Variants in MYO10 observed in about 807,000 individuals in gnomAD.
MYO10 encodes the protein myosin X, also known as unconventional myosin-X.
MYO10 carries 133 observed loss-of-function variants against 257.3 expected under a neutral mutation model. The observed-to-expected ratio is 0.52, with a 90% CI of 0.45 to 0.60. The LOEUF (loss-of-function observed/expected upper bound fraction) is 0.60, where lower values mean the gene tolerates loss of function less well. Ranked by LOEUF, MYO10 falls within the 20% of genes least tolerant of loss-of-function variation. The pLI is 0.00. For missense variants in MYO10, 2,399 were observed against 2,635.7 expected (o/e 0.91, Z 1.97); for synonymous variants, 1,104 against 1,028.6 (o/e 1.07, Z -1.40).
intron 19 of MYO10, among the ~76,000 whole-genome samples, chr5:16,743,265 AACTCG>A (rs1740075607): frequency 6.6e-6 from 1 of 152,198 alleles, no homozygotes; most frequent in African/African-American, 2.4e-5. Context: ...AAGAAGTCCT[AACTCG>A]CAAGTTGATG....
chr5:16,702,452 C>T (rs2126554692), intron 24 of MYO10, 91 bp downstream of exon 24: 1 of 1,202,486 alleles, frequency 8.3e-7, no homozygotes, highest in South Asian at 1.4e-5. Context: ...TATCTTTCTA[C>T]TTTAATTCAG....
At chr5:16,876,071 C>T (rs1744591532) in intron 2 of MYO10, among the ~76,000 whole-genome samples, 1 of 152,088 alleles carries the variant, frequency 6.6e-6, no homozygotes, top group Non-Finnish European at 1.5e-5. Flanking sequence ...CAAGATGGTA[C>T]CACTGCACTC....
chr5:16,911,176 A>G (rs1177910224), intron 1 of MYO10, among the ~76,000 whole-genome samples: 1 of 152,158 alleles, frequency 6.6e-6, no homozygotes, highest in Admixed American at 6.6e-5. Flanking sequence ...ACTAACAGAG[A>G]TCTATGAGGA....
At chr5:16,929,829 G>A (rs1188938259) in intron 1 of MYO10, among the ~76,000 whole-genome samples, 1 of 152,132 alleles carries the variant, frequency 6.6e-6, no homozygotes, top group East Asian at 1.9e-4. Flanking sequence ...GTTGAATCCA[G>A]AGATGCAGAA....
Position 16,754,840 on chromosome 5 carries a change from T to A in MYO10, c.1917A>T (p.Pro639=), listed in dbSNP as rs757227600. Reference sequence around the variant, plus strand: ...TCATCAATCTTACCTTCTGCATGTTTGGCTTGATACAGCGAACAAAGAAAG... The same window carrying A: ...TCATCAATCTTACCTTCTGCATGTTAGGCTTGATACAGCGAACAAAGAAAG... ...SNPFFVRCIK[P]NMQKMPDQFD... is the part of the protein sequence containing the mutation. Residue 639 remains proline (P), a synonymous_variant, in exon 19 of 41, where the codon CCA becomes CCT. Transcript: ENST00000513610. 3.7e-5 allele frequency: 59 copies of A among 1,602,860 alleles called. No homozygotes were observed. Among genetic ancestry groups the A allele is most frequent in the Non-Finnish European group, 4.9e-5 (57 of 1,172,806 alleles).
At chr5:16,835,492 G>GTTTTTTTTTTTTTTTT (rs1554001242) in intron 2 of MYO10, among the ~76,000 whole-genome samples, 2 of 81,060 alleles carry the variant, frequency 2.5e-5, no homozygotes, top group African/African-American at 9.3e-5. Flanking sequence ...ATTTTTGGCT[G>GTTTTTTTTTTTTTTTT]TTTTTTTTTT....
intron 28 of MYO10, among the ~76,000 whole-genome samples, chr5:16,686,921 A>G (rs906907683): frequency 6.6e-6 from 1 of 152,192 alleles, no homozygotes; most frequent in Non-Finnish European, 1.5e-5. Flanking sequence ...GAGAGTTGGA[A>G]ATGAAAAATA....
chr5:16,666,821 A>G, intron 40 of MYO10, 28 bp from the exon 41 acceptor site: 2 of 1,545,634 alleles, frequency 1.3e-6, no homozygotes, highest in Non-Finnish European at 1.8e-6. Context: ...GAACCGACAC[A>G]GCGTCACAAG....
chr5:16,670,944 G>A lies in MYO10; in HGVS notation c.5465C>T (p.Ala1822Val), dbSNP rs374196495. Residue 1822 changes from alanine (A) to valine (V), a missense_variant, in exon 39 of 41, where the codon GCC becomes GTC. By Grantham distance (64) the Ala-to-Val change is moderately conservative (BLOSUM62 0). Around this residue, in one of 3 missense-constraint regions of MYO10, gnomAD observed 1,820 missense variants for 1,939.4 expected, o/e 0.94. Coordinates refer to ENST00000513610, the MANE Select transcript of MYO10 (RefSeq NM_012334.3). ...AAGAACCTGGAGGTTTTCTTCCGGG[G>A]CTGGATGGTGGCCATGGATAACCGC... is the stretch of plus-strand genomic sequence containing the variant. ...HEAVIHGHHP[A>V]PEENLQVLAA... 45 of 1,612,570 alleles carry A rather than the reference G, an allele frequency of 2.8e-5. No individual in the cohort carries two copies. In the African/African-American group the frequency reaches 5.3e-4, roughly 19 times the overall value.
intron 1 of MYO10, among the ~76,000 whole-genome samples, chr5:16,884,540 T>C (rs1274687109): frequency 1.3e-5 from 2 of 152,174 alleles, no homozygotes; most frequent in African/African-American, 4.8e-5. Context: ...AGAAGTCACC[T>C]GGTTTAGGAG....
intron 2 of MYO10, among the ~76,000 whole-genome samples, chr5:16,874,762 C>T (rs1178454182): frequency 6.6e-6 from 1 of 152,162 alleles, no homozygotes; most frequent in Non-Finnish European, 1.5e-5. Context: ...CAAACTGTTC[C>T]AACCTCTGCC....
chr5:16,841,555 G>A (rs1743482003), intron 2 of MYO10, among the ~76,000 whole-genome samples: 1 of 152,288 alleles, frequency 6.6e-6, no homozygotes, highest in African/African-American at 2.4e-5. Context: ...CAAAGCTGGA[G>A]ATTAATGTTC....
intron 2 of MYO10, among the ~76,000 whole-genome samples, chr5:16,835,996 A>G (rs995233416): frequency 6.6e-6 from 1 of 152,108 alleles, no homozygotes; most frequent in Non-Finnish European, 1.5e-5. Context: ...AGCCCTGCAC[A>G]GCTTGTACCA....
chr5:16,892,813 T>C (rs922340767), intron 1 of MYO10, among the ~76,000 whole-genome samples: 3 of 152,152 alleles, frequency 2.0e-5, no homozygotes, highest in African/African-American at 7.2e-5. Context: ...AACCAAAGAA[T>C]GCACAGGCCT....
intron 19 of MYO10, among the ~76,000 whole-genome samples, chr5:16,739,357 T>C (rs918030698): frequency 2.0e-5 from 3 of 152,224 alleles, no homozygotes; most frequent in African/African-American, 4.8e-5. Flanking sequence ...CTCGTTTTTC[T>C]ACTAAAACAT....
At chr5:16,908,468 C>G (rs1745572948) in intron 1 of MYO10, among the ~76,000 whole-genome samples, 1 of 152,170 alleles carries the variant, frequency 6.6e-6, no homozygotes, top group Admixed American at 6.5e-5. Flanking sequence ...GTGAAGGTTA[C>G]AGTGGGCTGA....
chr5:16,858,896 G>A (rs1580082455), intron 2 of MYO10, among the ~76,000 whole-genome samples: 1 of 152,100 alleles, frequency 6.6e-6, no homozygotes, highest in Admixed American at 6.5e-5. Context: ...AGGTGGAGGT[G>A]GCAGTGAGCC....
chr5:16,796,645 G>T (rs955914630), intron 3 of MYO10, among the ~76,000 whole-genome samples: 1 of 152,140 alleles, frequency 6.6e-6, no homozygotes, highest in Non-Finnish European at 1.5e-5. Flanking sequence ...AACTAGGGAA[G>T]TCAGTCAGAC....
At position 16,703,830 on chromosome 5, in the gene MYO10, T is replaced by C. The variant is rs569308445; in HGVS notation, c.2277-672A>G. Among the ~76,000 whole-genome samples, 188 of 138,480 alleles carry C rather than the reference T, an allele frequency of 1.4e-3. 1 individual carries two copies. Among genetic ancestry groups the C allele is most frequent in the Admixed American group, 3.5e-3 (42 of 11,860 alleles). 90.8% of individuals were successfully genotyped at this position (138,480 alleles called of 152,430 possible). On this transcript the variant is annotated intron_variant, in intron 22 of 40. Coordinates refer to ENST00000513610, the MANE Select transcript of MYO10 (RefSeq NM_012334.3). ...CCGGGAGGCGGAGGTTGCAGTGGGC[T>C]GAGATCGCACCATTGCACTCCAGCC...
Sources: gnomAD v4.1 joint callset for allele counts (sites outside exome capture counted in the v4.1 genomes callset) on GRCh38, gnomAD v4.1.1 for gene constraint, gnomAD v4.1.1 regional missense constraint, MANE v1.5 for transcripts, NCBI Gene and HGNC (gene_info 2026-07-23, HGNC 2026-07-21) for gene names.